The following DIP2A variants were observed in gnomAD, a reference collection of about 807,000 sequenced individuals.
DIP2A encodes DIP2 acetate--CoA ligase A.
A neutral mutation model predicts 177.4 loss-of-function variants in DIP2A; 85 were observed. The ratio of observed to expected loss-of-function variants is 0.48; its 90% CI spans 0.40 to 0.57. The LOEUF is 0.57. Ranked by LOEUF, DIP2A falls within the 20% of genes least tolerant of loss-of-function variation. DIP2A has a pLI of 0.00. For missense variants in DIP2A, 1,791 were observed against 2,100.2 expected (o/e 0.85, Z 2.88); for synonymous variants, 886 against 881.8 (o/e 1.00, Z -0.08).
chr21:46,535,640 C>T (rs1395592404), intron 13 of DIP2A, among the ~76,000 whole-genome samples: 1 of 152,158 alleles, frequency 6.6e-6, no homozygotes, highest in Non-Finnish European at 1.5e-5. Flanking sequence ...GTTGAGGGCA[C>T]AGCTAAAGCT....
rs1330126206 is a variant in DIP2A, at chr21:46,537,850, C to T, written c.1801+311C>T. Among the ~76,000 whole-genome samples, 1 of 152,196 alleles carries T rather than the reference C, an allele frequency of 6.6e-6. No homozygotes were observed. The highest frequency in any genetic ancestry group is 1.5e-5 in the Non-Finnish European group (1 of 68,038). On this transcript the variant is annotated intron_variant, in intron 15 of 37. Transcript: ENST00000417564. The surrounding 1 kb of genome is among the most constrained non-coding windows in gnomAD (Gnocchi z 4.1). ...AGGCCCCAGCATGGCCACACCTGCA[C>T]AGTTGGCAGTCTGTGTCTCTGCCCT...
chr21:46,542,392 A>G (rs1340024931), intron 18 of DIP2A, among the ~76,000 whole-genome samples: 2 of 152,208 alleles, frequency 1.3e-5, no homozygotes, highest in Non-Finnish European at 2.9e-5. Flanking sequence ...CTCTGAGGAA[A>G]ATGGTAATGT....
downstream of DIP2A, among the ~76,000 whole-genome samples, chr21:46,573,789 A>G (rs942058089): frequency 7.9e-5 from 12 of 152,030 alleles, no homozygotes; most frequent in Non-Finnish European, 1.5e-4. Flanking sequence ...AAAAGATTCA[A>G]TTCAGCAAGA....
chr21:46,546,878 G>T (rs73152864), intron 20 of DIP2A, 37 bp from the exon 21 acceptor site: 14 of 1,608,912 alleles, frequency 8.7e-6, no homozygotes, highest in Non-Finnish European at 1.0e-5. Context: ...GCTTCTGCCC[G>T]TGTGGGTGGA....
chr21:46,541,603 G>A (rs1222999382), intron 17 of DIP2A, among the ~76,000 whole-genome samples, 153 bp from the exon 18 acceptor site: 1 of 152,192 alleles, frequency 6.6e-6, no homozygotes, highest in Non-Finnish European at 1.5e-5. Flanking sequence ...GTAGTTTGGA[G>A]ACATTGCAGC....
intron 21 of DIP2A, among the ~76,000 whole-genome samples, chr21:46,548,813 A>G (rs1601800012): frequency 6.6e-6 from 1 of 152,188 alleles, no homozygotes; most frequent in East Asian, 1.9e-4. Context: ...TGGTCCACAG[A>G]GGGCCCCATG....
rs756967028 is a variant in DIP2A at position 46,549,791 on chromosome 21, C to A, written c.2543C>A (p.Thr848Asn). The stretch of plus-strand genomic sequence containing the variant: ...CGCAGGATCGCTGTGTTCTCTGTGA[C>A]CGTGCTGCACGACGACCGGATTGTC... ...YRGRIAVFSV[T>N]VLHDDRIVLV... Residue 848 changes from threonine (T) to asparagine (N), a missense_variant, in exon 22 of 38, where the codon ACC becomes AAC. Thr to Asn is a moderately conservative substitution (Grantham distance 65, BLOSUM62 0). Transcript: ENST00000417564. The A allele has an allele frequency of 6.2e-7, 1 of 1,613,820 alleles. No homozygotes were observed. The highest frequency in any genetic ancestry group is 1.1e-5 in the South Asian group (1 of 91,088).
chr21:46,467,335 A>T (rs4818844), intron 1 of DIP2A, among the ~76,000 whole-genome samples: 22,608 of 151,226 alleles, frequency 0.15, 1,913 homozygotes, highest in African/African-American at 0.17. Context: ...TTAAATATTT[A>T]AAAAATTTCA....
Position 46,566,589 on chromosome 21 carries a change from T to G in DIP2A, c.4369T>G (p.Ser1457Ala). 1 of 1,614,102 alleles carries G rather than the reference T, an allele frequency of 6.2e-7. No individual in the cohort carries two copies. Among genetic ancestry groups the G allele is most frequent in the East Asian group, 2.2e-5 (1 of 44,880 alleles). ...GRHDALYVVG[S>A]LDETLELRGM... ...GCACGATGCACTGTATGTGGTTGGG[T>G]CTCTGGATGAAACTCTGGAGCTCAG... Residue 1457 changes from serine to alanine, a missense_variant, in exon 37 of 38, where the codon TCT (serine) becomes GCT (alanine). Coordinates refer to ENST00000417564, the MANE Select transcript of DIP2A (RefSeq NM_015151.4).
chr21:46,526,869 T>G (rs2148721023), intron 8 of DIP2A, among the ~76,000 whole-genome samples: 1 of 152,362 alleles, frequency 6.6e-6, no homozygotes, highest in East Asian at 1.9e-4. Context: ...TTGCACTGGC[T>G]AAGCCTTTCA....
chr21:46,528,026 G>T (rs999140000), intron 8 of DIP2A, among the ~76,000 whole-genome samples: 1 of 152,110 alleles, frequency 6.6e-6, no homozygotes, highest in South Asian at 2.1e-4. Flanking sequence ...CGCCAGGAGG[G>T]GTGTGTGGTG....
At chr21:46,566,293 G>A (rs1192194640) in intron 36 of DIP2A, among the ~76,000 whole-genome samples, 1 of 152,216 alleles carries the variant, frequency 6.6e-6, no homozygotes, top group African/African-American at 2.4e-5. Flanking sequence ...AGCTCCTATA[G>A]ATGGTGTCCC....
At chr21:46,578,051 C>T in the DIP2A span, among the ~76,000 whole-genome samples, 1 of 152,166 alleles carries the variant, frequency 6.6e-6, no homozygotes, top group South Asian at 2.1e-4. Context: ...TGGTGGCTCA[C>T]ACCTGTAATC....
chr21:46,575,613 A>G, the DIP2A span, among the ~76,000 whole-genome samples: 4 of 152,222 alleles, frequency 2.6e-5, no homozygotes, highest in African/African-American at 9.6e-5. Context: ...ATACACTCAC[A>G]ATGAACAATT....
rs112904250 is a variant in DIP2A, at chr21:46,477,807, T to A, written c.92-6950T>A. ...CCATGTTGGCCAGGCTGGTCACGAA[T>A]TCCTGACCTCAGGTGATCCACCTGC... On this transcript the variant is annotated intron_variant, in intron 1 of 37. Transcript: ENST00000417564. 2.8e-4 allele frequency among the ~76,000 whole-genome samples: 42 copies of A among 151,958 alleles called. 3 individuals carry two copies. The highest frequency in any genetic ancestry group is 9.9e-4 in the African/African-American group (41 of 41,456).
rs753321896 is a variant in DIP2A at position 46,551,864 on chromosome 21, C to G, written c.2990C>G (p.Thr997Ser). The G allele has an allele frequency of 1.2e-6, 2 of 1,610,918 alleles. No homozygotes were observed. Among genetic ancestry groups the G allele is most frequent in the South Asian group, 1.1e-5 (1 of 90,478 alleles). The change falls in exon 25 of 38, where the codon ACC becomes AGC. Residue 997 changes from threonine (T) to serine (S), a missense_variant. Transcript: ENST00000417564. The part of the protein sequence containing the change: ...LADVLQWRAH[T>S]TPDHPLFLLL... ...GACGTGCTGCAGTGGCGTGCCCACA[C>G]CACTCCTGACCACCCGCTGTTCTTG...
intron 1 of DIP2A, among the ~76,000 whole-genome samples, chr21:46,468,982 G>T (rs901930000): frequency 3.9e-5 from 6 of 152,106 alleles, no homozygotes; most frequent in Non-Finnish European, 7.4e-5. Context: ...TTCACTTTCT[G>T]TTGGAGGCTC....
chr21:46,537,646 T>A lies in DIP2A; in HGVS notation c.1801+107T>A. On this transcript the variant is annotated intron_variant, in intron 15 of 37. Coordinates refer to ENST00000417564, the MANE Select transcript of DIP2A (RefSeq NM_015151.4). The surrounding 1 kb of genome is among the most constrained non-coding windows in gnomAD (Gnocchi z 4.1). ...AAGCTGACATGTGGAACTGCAGATGTAGGCTGAAGAGCTGTGGGACGTCTT... is the reference window on the plus strand; with the variant it reads ...AAGCTGACATGTGGAACTGCAGATGAAGGCTGAAGAGCTGTGGGACGTCTT... 9.2e-7 allele frequency: 1 copy of A among 1,085,434 alleles called. No homozygotes were observed. The highest frequency in any genetic ancestry group is 1.4e-6 in the Non-Finnish European group (1 of 729,672). The allele number at this position is 1,085,434 out of a possible 1,614,324, so 67.2% of individuals were successfully genotyped here.
At chr21:46,499,139 T>G (rs1289776277) in intron 5 of DIP2A, among the ~76,000 whole-genome samples, 1 of 152,212 alleles carries the variant, frequency 6.6e-6, no homozygotes, top group East Asian at 1.9e-4. Context: ...CAGTTGCAAA[T>G]TTTTTCCCCC....
Sources: allele counts gnomAD v4.1 joint callset (sites outside exome capture counted in the v4.1 genomes callset), GRCh38; gene constraint gnomAD v4.1.1; non-coding constraint Gnocchi (gnomAD v3.1); transcripts MANE v1.5; gene names NCBI Gene and HGNC (gene_info 2026-07-23, HGNC 2026-07-21).